Variants in LUZP2 observed in about 807,000 individuals in gnomAD.
LUZP2 encodes the protein leucine zipper protein 2.
In LUZP2, 52 loss-of-function variants were observed where a neutral mutation model predicts 51.6. The observed-to-expected ratio is 1.01, with a 90% confidence interval of 0.81 to 1.27. The LOEUF (loss-of-function observed/expected upper bound fraction) is 1.27. LUZP2 is among the 50% of genes most tolerant of loss of function. The probability of loss-of-function intolerance (pLI) is 0.00; values close to 1 mark genes in which losing one functional copy is unlikely to be tolerated. For synonymous variants in LUZP2, 154 were observed against 137.3 expected (o/e 1.12, Z -0.85); for missense variants, 436 against 395.4 (o/e 1.10, Z -0.87).
At chr11:24,800,968 A>T (rs1167390416) in intron 5 of LUZP2, among the ~76,000 whole-genome samples, 1 of 152,138 alleles carries the variant, frequency 6.6e-6, no homozygotes, top group Non-Finnish European at 1.5e-5. Flanking sequence ...ATTTGTAGCA[A>T]AAATTCCGAG....
chr11:24,900,112 G>A (rs944381601), intron 5 of LUZP2, among the ~76,000 whole-genome samples: 3 of 152,082 alleles, frequency 2.0e-5, no homozygotes, highest in Admixed American at 6.5e-5. Flanking sequence ...GATTTCGAAT[G>A]TATACTGAAT....
chr11:24,602,238 ATATATG>A (rs1351010612), intron 1 of LUZP2, among the ~76,000 whole-genome samples: 1,388 of 19,654 alleles, frequency 0.071, 39 homozygotes, highest in Non-Finnish European at 0.31. Flanking sequence ...ATATATGTGT[ATATATG>A]TATATATATG....
chr11:24,780,450 T>A (rs1849057392), intron 5 of LUZP2, among the ~76,000 whole-genome samples: 1 of 152,174 alleles, frequency 6.6e-6, no homozygotes, highest in South Asian at 2.1e-4. Context: ...AAACATGTAA[T>A]AAACTTATAT....
At chr11:24,672,741 A>G (rs1400736256) in intron 1 of LUZP2, among the ~76,000 whole-genome samples, 1 of 152,208 alleles carries the variant, frequency 6.6e-6, no homozygotes, top group Non-Finnish European at 1.5e-5. Context: ...CTACACACCT[A>G]AGCTATATGG....
chr11:24,764,585 G>A (rs910913998), intron 5 of LUZP2, among the ~76,000 whole-genome samples: 18 of 151,704 alleles, frequency 1.2e-4, no homozygotes, highest in Non-Finnish European at 1.8e-4. Flanking sequence ...GATTGCTTGA[G>A]CCTGAGAGGT....
At chr11:25,075,378 T>G (rs903281464) in intron 10 of LUZP2, among the ~76,000 whole-genome samples, 1 of 152,210 alleles carries the variant, frequency 6.6e-6, no homozygotes, top group African/African-American at 2.4e-5. Flanking sequence ...AATGTGGCCA[T>G]ACAAAGAAAG....
In LUZP2 at chr11:24,743,266, A is replaced by G. The variant is rs141777317; in HGVS notation, c.333+4964A>G. Among the ~76,000 whole-genome samples the G allele has an allele frequency of 5.8e-3, 886 of 152,174 alleles. 11 individuals carry two copies. The highest frequency in any genetic ancestry group is 0.021 in the African/African-American group (858 of 41,536). On this transcript the variant is annotated intron_variant, in intron 4 of 11. Coordinates refer to ENST00000336930, the MANE Select transcript of LUZP2 (RefSeq NM_001009909.4). ...TTAATGGGGATTGTGTTGAATTTAT[A>G]GATTGCTTTGGGCAGTATGGCCGTT...
At chr11:24,738,381 C>A (rs1859020364) in intron 4 of LUZP2, 79 bp downstream of exon 4, 3 of 889,230 alleles carry the variant, frequency 3.4e-6, no homozygotes, top group East Asian at 4.9e-5. Context: ...CACTATGGAA[C>A]AAACACACCT....
At chr11:24,572,904 C>T (rs561967690) in intron 1 of LUZP2, among the ~76,000 whole-genome samples, 5 of 151,970 alleles carry the variant, frequency 3.3e-5, no homozygotes, top group South Asian at 4.1e-4. Context: ...GGATTCTGAG[C>T]GATTCAGTCC....
chr11:24,675,270 T>A (rs1487038888), intron 1 of LUZP2, among the ~76,000 whole-genome samples: 1 of 152,176 alleles, frequency 6.6e-6, no homozygotes, highest in Non-Finnish European at 1.5e-5. Context: ...TCAAACACAT[T>A]TGGCATTTCT....
intron 7 of LUZP2, among the ~76,000 whole-genome samples, chr11:24,955,234 A>G (rs565966238): frequency 1.3e-5 from 2 of 152,152 alleles, no homozygotes; most frequent in Non-Finnish European, 2.9e-5. Flanking sequence ...TTTTTTGTCT[A>G]TAAGTTTCAT....
chr11:24,955,565 A>T (rs556771814), intron 7 of LUZP2, among the ~76,000 whole-genome samples: 37 of 152,208 alleles, frequency 2.4e-4, no homozygotes, highest in African/African-American at 7.9e-4. Context: ...ATTAACCCTG[A>T]TAATATATAA....
chr11:24,719,863 C>G lies in LUZP2; in HGVS notation c.63-9306C>G, dbSNP rs368294518. Among the ~76,000 whole-genome samples the G allele has an allele frequency of 7.2e-5, 11 of 152,276 alleles. No individual in the cohort carries two copies. The East Asian group carries it at 1.7e-3, about 24-fold the overall frequency. On this transcript the variant is annotated intron_variant, in intron 1 of 11. Coordinates refer to ENST00000336930, the MANE Select transcript of LUZP2 (RefSeq NM_001009909.4). ...AGATGATCTGCTCTAGGCTACTTTG[C>G]TGATAAAGCGAGATCCAGTTGCTTT...
At chr11:24,782,584 G>A (rs1326460939) in intron 5 of LUZP2, among the ~76,000 whole-genome samples, 1 of 151,830 alleles carries the variant, frequency 6.6e-6, no homozygotes, top group East Asian at 1.9e-4. Flanking sequence ...CTATACAACT[G>A]TCTTGCTTTA....
At chr11:24,731,762 T>C (rs1380029175) in intron 2 of LUZP2, among the ~76,000 whole-genome samples, 1 of 151,818 alleles carries the variant, frequency 6.6e-6, no homozygotes, top group Admixed American at 6.6e-5. Context: ...CTAATATTTG[T>C]AGAAGCTGTG....
intron 5 of LUZP2, among the ~76,000 whole-genome samples, chr11:24,856,198 A>G (rs1450838556): frequency 1.3e-5 from 2 of 152,148 alleles, no homozygotes; most frequent in Non-Finnish European, 2.9e-5. Context: ...TGCAAACTAT[A>G]CATCTAACAA....
chr11:25,025,956 T>C (rs1380273667), intron 9 of LUZP2, among the ~76,000 whole-genome samples: 2 of 152,176 alleles, frequency 1.3e-5, no homozygotes, highest in South Asian at 2.1e-4. Flanking sequence ...TGGAATTCTA[T>C]GCAGCCATAG....
At chr11:24,997,760 A>T (rs1318397048) in intron 9 of LUZP2, among the ~76,000 whole-genome samples, 1 of 152,128 alleles carries the variant, frequency 6.6e-6, no homozygotes, top group Non-Finnish European at 1.5e-5. Flanking sequence ...TAGGTCTGAC[A>T]TTTAAGTCTT....
intron 5 of LUZP2, among the ~76,000 whole-genome samples, chr11:24,878,414 G>A (rs1186394949): frequency 1.3e-5 from 2 of 151,994 alleles, no homozygotes; most frequent in Admixed American, 6.6e-5. Context: ...CTGCCACCAG[G>A]TGTATTGGAG....
Sources: allele counts gnomAD v4.1 joint callset (sites outside exome capture counted in the v4.1 genomes callset), GRCh38; gene constraint gnomAD v4.1.1; transcripts MANE v1.5; gene names NCBI Gene and HGNC (gene_info 2026-07-23, HGNC 2026-07-21).